The following CA5A variants were observed in gnomAD, a reference collection of about 807,000 sequenced individuals.
CA5A encodes carbonic anhydrase 5A, mitochondrial.
Under a neutral mutation model 37.1 loss-of-function variants are expected in CA5A, and 28 were observed. The observed-to-expected ratio is 0.75, with a 90% CI of 0.56 to 1.03. The LOEUF (loss-of-function observed/expected upper bound fraction) is 1.03, where lower values mean the gene tolerates loss of function less well. Ranked by LOEUF, CA5A falls within the 50% of genes least tolerant of loss-of-function variation. CA5A has a pLI of 0.00. For synonymous variants in CA5A, 171 were observed against 158.4 expected, an observed-to-expected ratio of 1.08 and a Z score of -0.60; for missense variants, 444 against 399.9, an observed-to-expected ratio of 1.11 and a Z score of -0.94.
intron 4 of CA5A, chr16:87,882,913 GC>G (rs1431355797): frequency 6.6e-6 from 1 of 152,450 alleles, no homozygotes; most frequent in South Asian, 2.1e-4. Context: ...TTTTGGGGGG[GC>G]GTGGAGGGGT....
chr16:87,909,647 G>C (rs1300526878), intron 2 of CA5A, among the ~76,000 whole-genome samples: 4 of 152,156 alleles, frequency 2.6e-5, no homozygotes, highest in South Asian at 2.1e-4. Context: ...GATTCCACAG[G>C]CTCCTCTTCA....
intron 2 of CA5A, among the ~76,000 whole-genome samples, chr16:87,907,094 T>C (rs2055972424): frequency 6.6e-6 from 1 of 152,140 alleles, no homozygotes; most frequent in Non-Finnish European, 1.5e-5. Context: ...GGTGGGTGCC[T>C]GTAATCCCAG....
At chr16:87,925,950 C>T (rs568762784) in intron 2 of CA5A, among the ~76,000 whole-genome samples, 88 of 152,304 alleles carry the variant, frequency 5.8e-4, no homozygotes, top group Admixed American at 9.2e-4. Context: ...GGGCCGGGCG[C>T]GGTGGCTCAC....
intron 2 of CA5A, among the ~76,000 whole-genome samples, chr16:87,912,572 A>C (rs2056066876): frequency 6.6e-6 from 1 of 152,256 alleles, no homozygotes; most frequent in Non-Finnish European, 1.5e-5. Context: ...CACCACGCTC[A>C]GTACAAGGGA....
chr16:87,920,714 G>C (rs867004514), intron 2 of CA5A, among the ~76,000 whole-genome samples: 1 of 151,868 alleles, frequency 6.6e-6, no homozygotes, highest in African/African-American at 2.4e-5. Flanking sequence ...CGCCTCCCAG[G>C]TTCAAGCAAT....
Position 87,888,099 on chromosome 16 carries a change from A to T in CA5A, c.*30T>A, listed in dbSNP as rs1278016693. ...AACAACGCTTCCTTCCTTCAAAGTC[A>T]GTTCTGCTATTCATGTGGACCTAAT... On this transcript the variant is annotated 3_prime_UTR_variant, in exon 7 of 7. Transcript: ENST00000649794. 1 of 1,553,456 alleles carries T rather than the reference A, an allele frequency of 6.4e-7. No homozygotes were observed.
At chr16:87,903,575 T>C (rs1215945904) in intron 3 of CA5A, among the ~76,000 whole-genome samples, 1 of 152,240 alleles carries the variant, frequency 6.6e-6, no homozygotes, top group Non-Finnish European at 1.5e-5. Context: ...TTGGAACAAT[T>C]TATAAATATG....
chr16:87,929,610 C>G (rs987305318), intron 1 of CA5A, among the ~76,000 whole-genome samples: 1 of 152,066 alleles, frequency 6.6e-6, no homozygotes, highest in Non-Finnish European at 1.5e-5. Flanking sequence ...CAGTTGCTCA[C>G]GCCTATAATC....
intron 2 of CA5A, among the ~76,000 whole-genome samples, chr16:87,922,037 C>A (rs1567533057): frequency 1.3e-5 from 2 of 151,908 alleles, no homozygotes; most frequent in Non-Finnish European, 2.9e-5. Context: ...CCAGCTAATT[C>A]TTTTATTTTT....
intron 5 of CA5A, among the ~76,000 whole-genome samples, chr16:87,901,592 C>CTTTTCT (rs56688337): frequency 0.026 from 3,752 of 145,656 alleles, 134 homozygotes; most frequent in African/African-American, 0.08. Context: ...CTTTTCTTTT[C>CTTTTCT]TTTTTTTTTT....
In CA5A at chr16:87,904,340, C is replaced by CAAA. The variant is rs10648205; in HGVS notation, c.459+443_459+445dup. ...CTGGGTGACAGAGTGAACCCTGTTT[C>CAAA]AAAAAAAAAAAACCAAAAACCAAAA... is the stretch of plus-strand genomic sequence containing the variant. On this transcript the variant is annotated intron_variant, in intron 3 of 6. Coordinates refer to ENST00000649794, the MANE Select transcript of CA5A (RefSeq NM_001739.2). 7.5e-3 allele frequency among the ~76,000 whole-genome samples: 1,046 copies of CAAA among 139,454 alleles called. 8 individuals carry two copies. The highest frequency in any genetic ancestry group is 0.025 in the African/African-American group (960 of 38,930). The allele number at this position is 139,454 out of a possible 152,430, so 91.5% of individuals were successfully genotyped here. A position where few individuals can be genotyped will look rare whatever the true frequency, so the allele number is the denominator to read the frequency against.
At chr16:87,885,040 G>C (rs1411540846), downstream of CA5A, 1 of 152,862 alleles carries the variant, frequency 6.5e-6, no homozygotes, top group Non-Finnish European at 1.5e-5. Flanking sequence ...GTGTATGCCT[G>C]TAATCCCAGC....
chr16:87,936,302 T>C lies in CA5A; in HGVS notation c.142+7A>G, dbSNP rs753494756. On this transcript the variant is annotated splice_region_variant and intron_variant, in intron 1 of 6. Coordinates refer to ENST00000649794, the MANE Select transcript of CA5A (RefSeq NM_001739.2). ...TCGCATCTTAGGAAATTTGAGGCTC[T>C]ACTTACAAGTGTTATTGCTGGTTTG... 11 of 1,606,590 alleles carry C rather than the reference T, an allele frequency of 6.8e-6. No homozygotes were observed. The African/African-American group carries it at 1.3e-4, about 20-fold the overall frequency.
intron 2 of CA5A, among the ~76,000 whole-genome samples, chr16:87,907,897 G>C (rs981768232): frequency 2.6e-5 from 4 of 152,228 alleles, no homozygotes; most frequent in African/African-American, 9.6e-5. Flanking sequence ...CTGCACTCCA[G>C]CCTGGGCAAC....
chr16:87,906,545 C>G (rs1183580079), intron 2 of CA5A, among the ~76,000 whole-genome samples: 1 of 151,622 alleles, frequency 6.6e-6, no homozygotes, highest in African/African-American at 2.4e-5. Flanking sequence ...GAGAATTGCT[C>G]GAACCTGGGA....
intron 6 of CA5A, among the ~76,000 whole-genome samples, chr16:87,890,557 A>G (rs990253894): frequency 6.6e-6 from 1 of 152,220 alleles, no homozygotes; most frequent in African/African-American, 2.4e-5. Flanking sequence ...TTGGACAGAC[A>G]GAATTGCTAC....
At chr16:87,926,715 G>C (rs2056316444) in intron 2 of CA5A, 33 bp downstream of exon 2, 2 of 1,569,772 alleles carry the variant, frequency 1.3e-6, no homozygotes, top group East Asian at 2.2e-5. Context: ...CAACGGGAGA[G>C]GACAAAGCCC....
rs182425512 is a variant in CA5A, at chr16:87,928,841, T to C, written c.143-1896A>G. The stretch of plus-strand genomic sequence containing the variant: ...TGCAGTGCAGTGGTGCCATCTCGGC[T>C]CACTGCACCCTGTGCCTCCCAGGTT... On this transcript the variant is annotated intron_variant, in intron 1 of 6. Transcript: ENST00000649794. Among the ~76,000 whole-genome samples, 17 of 135,774 alleles carry C rather than the reference T, an allele frequency of 1.3e-4. No homozygotes were observed. In the Admixed American group the frequency reaches 1.3e-3, roughly 11 times the overall value. The allele number at this position is 135,774 out of a possible 152,430, so 89.1% of individuals were successfully genotyped here. A position where few individuals can be genotyped will look rare whatever the true frequency, so the allele number is the denominator to read the frequency against.
At chr16:87,923,918 T>A (rs1281686447) in intron 2 of CA5A, 2 of 984,848 alleles carry the variant, frequency 2.0e-6, no homozygotes, top group Non-Finnish European at 1.2e-6. Flanking sequence ...TCAGGAACTA[T>A]TTTTGGTTTT....
Sources: gnomAD v4.1 joint callset for allele counts (sites outside exome capture counted in the v4.1 genomes callset) on GRCh38, gnomAD v4.1.1 for gene constraint, MANE v1.5 for transcripts, NCBI Gene and HGNC (gene_info 2026-07-23, HGNC 2026-07-21) for gene names.